SLC23A2: variants seen among roughly 807,000 people sequenced by gnomAD.
SLC23A2 encodes solute carrier family 23 member 2.
A neutral mutation model predicts 73.3 loss-of-function variants in SLC23A2; 36 were observed. The ratio of observed to expected loss-of-function variants is 0.49; its 90% confidence interval spans 0.38 to 0.65. The LOEUF (loss-of-function observed/expected upper bound fraction) is 0.65. Ranked by LOEUF, SLC23A2 falls within the 30% of genes least tolerant of loss-of-function variation. SLC23A2 has a pLI of 0.00. For missense variants in SLC23A2, 507 were observed against 841.6 expected, an observed-to-expected ratio of 0.60 and a Z score of 4.92; for synonymous variants, 343 against 327.3, an observed-to-expected ratio of 1.05 and a Z score of -0.52.
intron 2 of SLC23A2, among the ~76,000 whole-genome samples, chr20:4,933,245 T>C (rs1355345646): frequency 6.6e-6 from 1 of 152,116 alleles, no homozygotes; most frequent in Non-Finnish European, 1.5e-5. Flanking sequence ...AGATGGGCAT[T>C]AAAATAATTC....
At chr20:4,908,954 T>C (rs1380512474) in intron 4 of SLC23A2, among the ~76,000 whole-genome samples, 1 of 152,162 alleles carries the variant, frequency 6.6e-6, no homozygotes, top group East Asian at 1.9e-4. Flanking sequence ...ACTGAAGTTA[T>C]AAAACAAAGA....
intron 9 of SLC23A2, among the ~76,000 whole-genome samples, chr20:4,877,282 G>A (rs1354014868): frequency 3.9e-5 from 6 of 151,996 alleles, no homozygotes; most frequent in Admixed American, 1.3e-4. Flanking sequence ...GTCTTTTCAC[G>A]TTGAGGTATA....
Position 4,899,589 on chromosome 20 carries a change from T to C in SLC23A2, c.448A>G (p.Ile150Val). The change falls in exon 6 of 17, where the codon ATC (isoleucine) becomes GTC (valine). Residue 150 changes from isoleucine (I) to valine (V), a missense_variant. Ile to Val is a conservative substitution (Grantham distance 29). Coordinates refer to ENST00000338244, the MANE Select transcript of SLC23A2 (RefSeq NM_005116.6). This position sits in a 1 kb window ranked among gnomAD's most constrained non-coding sequence, Gnocchi z 4.9. ...LIGTIFFCVG[I>V]TTLLQTTFGC... is the part of the protein sequence containing the mutation. ...AACGTTGTCTGTAGCAAAGTAGTGA[T>C]TCCCACACAGAAGAAAATGGTCCCA... is the stretch of plus-strand genomic sequence containing the variant. The C allele has an allele frequency of 3.1e-6, 5 of 1,614,088 alleles. No homozygotes were observed. The highest frequency in any genetic ancestry group is 4.2e-6 in the Non-Finnish European group (5 of 1,179,990).
intron 1 of SLC23A2, 39 bp downstream of exon 1, chr20:5,001,367 C>A (rs1157781038): frequency 6.8e-6 from 1 of 146,628 alleles, no homozygotes; most frequent in Non-Finnish European, 1.5e-5. Flanking sequence ...CAGGTGCGGC[C>A]CGCAGGCCGG....
rs143917082 is a variant in SLC23A2 at position 4,870,022 on chromosome 20, G to A, written c.1134C>T (p.Ala378=). 104 of 1,612,282 alleles carry A rather than the reference G, an allele frequency of 6.5e-5. No homozygotes were observed. In the African/African-American group the frequency reaches 1.1e-3, roughly 17 times the overall value. The change falls in exon 12 of 17, where the codon GCC becomes GCT. Residue 378 remains alanine, a synonymous_variant. Transcript: ENST00000338244. ...CGGCACTGAGCATGCCGATGACACC[G>A]GCCGCAGACACGGTGGGCAGTCCCC... The part of the protein sequence containing the change: ...FQWGLPTVSA[A]GVIGMLSAVV...
At chr20:4,946,856 T>C (rs1268084100) in intron 2 of SLC23A2, among the ~76,000 whole-genome samples, 1 of 152,226 alleles carries the variant, frequency 6.6e-6, no homozygotes, top group Admixed American at 6.5e-5. Flanking sequence ...TTTGGGGGTT[T>C]AAGATACAAA....
rs553899475 is a variant in SLC23A2 at position 4,871,665 on chromosome 20, G to A, written c.1103-1612C>T. ...CCTCAGGCTTGTTCATTCTGTGGGAGCAGCCAGGGGATGCAGAGGCGGCCC... is the reference window on the plus strand; with the variant it reads ...CCTCAGGCTTGTTCATTCTGTGGGAACAGCCAGGGGATGCAGAGGCGGCCC... On this transcript the variant is annotated intron_variant, in intron 11 of 16. Coordinates refer to ENST00000338244, the MANE Select transcript of SLC23A2 (RefSeq NM_005116.6). Among the ~76,000 whole-genome samples the A allele has an allele frequency of 6.6e-5, 10 of 152,282 alleles. No individual in the cohort carries two copies. The South Asian group carries it at 2.1e-3, about 32-fold the overall frequency.
intron 11 of SLC23A2, among the ~76,000 whole-genome samples, chr20:4,870,928 A>G (rs2122796086): frequency 6.6e-6 from 1 of 152,338 alleles, no homozygotes; most frequent in African/African-American, 2.4e-5. Flanking sequence ...AAATAGTTTC[A>G]TTTCAGAAAG....
chr20:4,911,403 G>C (rs1434273854), intron 4 of SLC23A2, among the ~76,000 whole-genome samples: 1 of 152,118 alleles, frequency 6.6e-6, no homozygotes, highest in Non-Finnish European at 1.5e-5. Context: ...GTTTAAAAGG[G>C]CATAAAATTT....
At chr20:4,925,576 T>C (rs1932642082) in intron 3 of SLC23A2, among the ~76,000 whole-genome samples, 1 of 152,148 alleles carries the variant, frequency 6.6e-6, no homozygotes, top group African/African-American at 2.4e-5. Context: ...GGCTCACACC[T>C]GGACTGCGTA....
chr20:4,973,627 G>T (rs1241616202), intron 1 of SLC23A2, among the ~76,000 whole-genome samples: 1 of 152,230 alleles, frequency 6.6e-6, no homozygotes, highest in Non-Finnish European at 1.5e-5. Context: ...CTATCAGTAA[G>T]CAACCTTGAA....
chr20:5,006,761 A>G (rs1033822763), intron 1 of SLC23A2, among the ~76,000 whole-genome samples: 18 of 151,800 alleles, frequency 1.2e-4, no homozygotes, highest in African/African-American at 4.1e-4. Flanking sequence ...GGCTGGTCTC[A>G]AACTCCTGGC....
chr20:4,983,475 T>C (rs1040153985), intron 1 of SLC23A2, among the ~76,000 whole-genome samples: 1 of 139,696 alleles, frequency 7.2e-6, no homozygotes, highest in Non-Finnish European at 1.5e-5. Flanking sequence ...TGAAACCCCG[T>C]CTCTACTAAA....
chr20:4,891,374 G>A (rs1244258280), intron 6 of SLC23A2, among the ~76,000 whole-genome samples: 1 of 152,206 alleles, frequency 6.6e-6, no homozygotes, highest in East Asian at 1.9e-4. Context: ...AGTAACTGAA[G>A]GGAGACCACC....
chr20:4,956,635 C>G (rs745975246), intron 2 of SLC23A2, among the ~76,000 whole-genome samples: 28 of 152,028 alleles, frequency 1.8e-4, no homozygotes, highest in African/African-American at 6.5e-4. Flanking sequence ...CTCTGCCATT[C>G]GATTAGTAAT....
At chr20:4,942,265 G>GC (rs2087053718) in intron 2 of SLC23A2, among the ~76,000 whole-genome samples, 1 of 150,300 alleles carries the variant, frequency 6.7e-6, no homozygotes, top group African/African-American at 2.4e-5. Flanking sequence ...AGAGAGTGGA[G>GC]AAAAGCCAAG....
intron 6 of SLC23A2, among the ~76,000 whole-genome samples, chr20:4,890,354 C>G (rs541519028): frequency 6.6e-6 from 1 of 152,194 alleles, no homozygotes; most frequent in South Asian, 2.1e-4. Context: ...GTACCAACTA[C>G]TTTTAAAGAA....
intron 1 of SLC23A2, among the ~76,000 whole-genome samples, chr20:4,997,005 A>G (rs899143648): frequency 6.6e-6 from 1 of 152,092 alleles, no homozygotes; most frequent in South Asian, 2.1e-4. Flanking sequence ...CTCCTCCAGC[A>G]TCTCAGTTAA....
chr20:4,926,442 C>T (rs1328523951), intron 3 of SLC23A2, among the ~76,000 whole-genome samples: 1 of 151,726 alleles, frequency 6.6e-6, no homozygotes, highest in African/African-American at 2.4e-5. Flanking sequence ...CTTTTTCTGG[C>T]CGTGCTTCCT....
Sources: allele counts gnomAD v4.1 joint callset (sites outside exome capture counted in the v4.1 genomes callset), GRCh38; gene constraint gnomAD v4.1.1; non-coding constraint Gnocchi (gnomAD v3.1); transcripts MANE v1.5; gene names NCBI Gene and HGNC (gene_info 2026-07-23, HGNC 2026-07-21).